HIBCH: variants seen among roughly 807,000 people sequenced by gnomAD.
The protein encoded by HIBCH is 3-hydroxyisobutyryl-CoA hydrolase, also known as 3-hydroxyisobutyryl-CoA hydrolase, mitochondrial.
HIBCH carries 50 observed loss-of-function variants against 58.2 expected under a neutral mutation model. The ratio of observed to expected loss-of-function variants is 0.86; its 90% CI spans 0.68 to 1.09. The LOEUF is 1.09. Among genes scored for constraint, HIBCH ranks in the 50% least tolerant of loss-of-function variants. HIBCH has a pLI of 0.00. For synonymous variants in HIBCH, 151 were observed against 146.9 expected, an observed-to-expected ratio of 1.03 and a Z score of -0.20; for missense variants, 450 against 449.7, an observed-to-expected ratio of 1.00 and a Z score of -0.01.
chr2:190,193,379 G>C (rs557838626), intron 1 of HIBCH, among the ~76,000 whole-genome samples: 26 of 152,228 alleles, frequency 1.7e-4, no homozygotes, highest in African/African-American at 6.3e-4. Context: ...ATATTGGCCT[G>C]TGGAGTTTTG....
intron 6 of HIBCH, 70 bp from the exon 7 acceptor site, chr2:190,261,304 AC>A: frequency 9.2e-7 from 1 of 1,092,520 alleles, no homozygotes; most frequent in South Asian, 1.3e-5. Flanking sequence ...GCAAATTCAC[AC>A]ACTTACAAAA....
At chr2:190,219,499 G>A (rs1450629603) in intron 11 of HIBCH, among the ~76,000 whole-genome samples, 1 of 152,118 alleles carries the variant, frequency 6.6e-6, no homozygotes, top group East Asian at 1.9e-4. Context: ...TAAAATAAAA[G>A]TTTATTAGTC....
intron 6 of HIBCH, among the ~76,000 whole-genome samples, chr2:190,282,091 G>A (rs1192045683): frequency 3.3e-5 from 5 of 151,968 alleles, no homozygotes; most frequent in African/African-American, 4.8e-5. Flanking sequence ...TTAATGCTCC[G>A]TTCACAGCAA....
At chr2:190,298,505 T>A (rs1688171612) in intron 2 of HIBCH, among the ~76,000 whole-genome samples, 1 of 152,220 alleles carries the variant, frequency 6.6e-6, no homozygotes. Flanking sequence ...TGACCAGTAA[T>A]AATGAGCTTT....
chr2:190,243,685 A>G lies in HIBCH; in HGVS notation c.891+1202T>C, dbSNP rs1190907706. Reference sequence around the variant, plus strand: ...ATTTCCCCCTTAAGAATACAGTAAAAGGCCGGGTGTGGTGGCTCACACCTG... The same window carrying G: ...ATTTCCCCCTTAAGAATACAGTAAAGGGCCGGGTGTGGTGGCTCACACCTG... On this transcript the variant is annotated intron_variant, in intron 11 of 13. Coordinates refer to ENST00000359678, the MANE Select transcript of HIBCH (RefSeq NM_014362.4). This position sits in a 1 kb window ranked among gnomAD's most constrained non-coding sequence, Gnocchi z 4.1. Among the ~76,000 whole-genome samples, 1 of 152,146 alleles carries G rather than the reference A, an allele frequency of 6.6e-6. No individual in the cohort carries two copies. The highest frequency in any genetic ancestry group is 1.5e-5 in the Non-Finnish European group (1 of 68,012).
intron 7 of HIBCH, among the ~76,000 whole-genome samples, chr2:190,260,767 A>G (rs2105951365): frequency 6.6e-6 from 1 of 152,318 alleles, no homozygotes; most frequent in Middle Eastern, 3.4e-3. Flanking sequence ...TATACAAAAT[A>G]AACTTTGACT....
At chr2:190,302,273 T>C (rs1688282684) in intron 2 of HIBCH, among the ~76,000 whole-genome samples, 1 of 152,150 alleles carries the variant, frequency 6.6e-6, no homozygotes, top group Non-Finnish European at 1.5e-5. Context: ...TACATAAACA[T>C]ATTCAACAGC....
At chr2:190,294,136 A>G (rs1026480648) in intron 4 of HIBCH, among the ~76,000 whole-genome samples, 2 of 151,010 alleles carry the variant, frequency 1.3e-5, no homozygotes, top group Non-Finnish European at 3.0e-5. Flanking sequence ...AGGAAAAGTT[A>G]TGGAAATATG....
chr2:190,264,739 G>A (rs1687184372), intron 6 of HIBCH, among the ~76,000 whole-genome samples: 1 of 152,090 alleles, frequency 6.6e-6, no homozygotes, highest in South Asian at 2.1e-4. Flanking sequence ...TAACAATTCA[G>A]TGGCCATTCT....
chr2:190,299,249 T>C (rs943085172), intron 2 of HIBCH, among the ~76,000 whole-genome samples: 1 of 152,264 alleles, frequency 6.6e-6, no homozygotes, highest in Non-Finnish European at 1.5e-5. Context: ...CACGTTTATA[T>C]AACGTTTAAG....
At chr2:190,264,320 C>CAA (rs1394204957) in intron 6 of HIBCH, among the ~76,000 whole-genome samples, 12 of 150,858 alleles carry the variant, frequency 8.0e-5, no homozygotes, top group African/African-American at 2.9e-4. Flanking sequence ...ATAATATCCA[C>CAA]TTAAAGGTAC....
chr2:190,213,410 T>C, intron 11 of HIBCH: 1 of 306,328 alleles, frequency 3.3e-6, no homozygotes. Context: ...ATCATATTCA[T>C]GGAGTATAGA....
intron 9 of HIBCH, among the ~76,000 whole-genome samples, chr2:190,247,976 A>G (rs1057225695): frequency 6.6e-6 from 1 of 152,228 alleles, no homozygotes; most frequent in Non-Finnish European, 1.5e-5. Context: ...TCATGTGACT[A>G]GCTTTATTGC....
At chr2:190,293,155 G>A (rs889496794) in intron 4 of HIBCH, among the ~76,000 whole-genome samples, 2 of 151,526 alleles carry the variant, frequency 1.3e-5, no homozygotes, top group African/African-American at 4.9e-5. Context: ...TCACAGGCCA[G>A]ACGAAAGGCT....
rs150623609 is a variant in HIBCH, at chr2:190,279,758, T to G, written c.438+7828A>C. ...TGCTTATACTGGTCCAAGCAAGCAT[T>G]AGGTCATAGCCTGTTCCTCTTCCTT... On this transcript the variant is annotated intron_variant, in intron 6 of 13. Transcript: ENST00000359678. The surrounding 1 kb of genome is among the most constrained non-coding windows in gnomAD (Gnocchi z 4.2). 4,995 of 183,154 alleles carry G rather than the reference T, an allele frequency of 0.027. 88 individuals are homozygous for G. The highest frequency in any genetic ancestry group is 0.038 in the Non-Finnish European group (3,529 of 92,534). The allele number at this position is 183,154 out of a possible 1,614,324, so 11.3% of individuals were successfully genotyped here. A position where few individuals can be genotyped will look rare whatever the true frequency, so the allele number is the denominator to read the frequency against.
intron 11 of HIBCH, among the ~76,000 whole-genome samples, chr2:190,226,538 T>A (rs181751455): frequency 1.4e-3 from 191 of 137,266 alleles, no homozygotes; most frequent in African/African-American, 5.0e-3. Flanking sequence ...GAGGTTGCAG[T>A]GAGCCGAGAT....
At chr2:190,190,747 TTA>T (rs777721571) in intron 1 of HIBCH, among the ~76,000 whole-genome samples, 6 of 152,140 alleles carry the variant, frequency 3.9e-5, no homozygotes, top group Non-Finnish European at 7.3e-5. Context: ...GTGTGGGTAA[TTA>T]TATTGTGGTT....
chr2:190,198,107 A>G (rs1289801042), intron 1 of HIBCH, among the ~76,000 whole-genome samples: 1 of 152,218 alleles, frequency 6.6e-6, no homozygotes, highest in Admixed American at 6.5e-5. Flanking sequence ...TCTCTGAAGT[A>G]TGCAGCGTGA....
chr2:190,230,472 A>G (rs1311729505), intron 11 of HIBCH, among the ~76,000 whole-genome samples: 2 of 152,248 alleles, frequency 1.3e-5, no homozygotes, highest in Non-Finnish European at 2.9e-5. Flanking sequence ...CAAGGCGGGC[A>G]GATCACAAGA....
Sources: allele counts gnomAD v4.1 joint callset (sites outside exome capture counted in the v4.1 genomes callset), GRCh38; gene constraint gnomAD v4.1.1; non-coding constraint Gnocchi (gnomAD v3.1); transcripts MANE v1.5; gene names NCBI Gene and HGNC (gene_info 2026-07-23, HGNC 2026-07-21).